Variants in C19orf47 observed in about 807,000 individuals in gnomAD.
C19orf47 encodes the protein chromosome 19 open reading frame 47, also known as uncharacterized protein C19orf47.
A neutral mutation model predicts 32.3 loss-of-function variants in C19orf47; 18 were observed. The ratio of observed to expected loss-of-function variants is 0.56; its 90% CI spans 0.39 to 0.83. The LOEUF (loss-of-function observed/expected upper bound fraction) is 0.83, where lower values mean the gene tolerates loss of function less well. Ranked by LOEUF, C19orf47 falls within the 40% of genes least tolerant of loss-of-function variation. C19orf47 has a pLI of 0.00. For missense variants in C19orf47, 484 were observed against 531.6 expected (o/e 0.91, Z 0.88); for synonymous variants, 202 against 211.1 (o/e 0.96, Z 0.37).
the C19orf47 span, among the ~76,000 whole-genome samples, chr19:40,304,613 CCT>C: frequency 6.6e-6 from 1 of 152,156 alleles, no homozygotes; most frequent in Non-Finnish European, 1.5e-5. Flanking sequence ...GCCGCAAGCC[CCT>C]CTTTTTTCTG....
At chr19:40,306,822 G>C in the C19orf47 span, among the ~76,000 whole-genome samples, 1 of 118,484 alleles carries the variant, frequency 8.4e-6, no homozygotes, top group African/African-American at 3.3e-5. Flanking sequence ...ACAGAGTCTT[G>C]CTGTTGCCCA....
chr19:40,344,214 C>A (rs1030205136), intron 1 of C19orf47, among the ~76,000 whole-genome samples: 1 of 151,840 alleles, frequency 6.6e-6, no homozygotes, highest in Admixed American at 6.6e-5. Context: ...AGCAGTGGCT[C>A]GTGCCTGTAA....
intron 2 of C19orf47, among the ~76,000 whole-genome samples, chr19:40,337,493 C>CT (rs2078089129): frequency 6.6e-6 from 1 of 151,888 alleles, no homozygotes; most frequent in African/African-American, 2.4e-5. Context: ...CGAAGTAGAA[C>CT]TTTTTTTCAC....
chr19:40,310,507 G>A, the C19orf47 span, among the ~76,000 whole-genome samples: 1 of 152,156 alleles, frequency 6.6e-6, no homozygotes, highest in African/African-American at 2.4e-5. Context: ...TCGAACTCCT[G>A]ACCTGAGGTG....
At chr19:40,324,569 T>C (rs368933721) in intron 7 of C19orf47, 1 of 158,856 alleles carries the variant, frequency 6.3e-6, no homozygotes, top group Non-Finnish European at 1.4e-5. Context: ...AAAAAATTTA[T>C]GGAACATGGG....
At position 40,328,714 on chromosome 19, in the gene C19orf47, G is replaced by C. The variant is rs550526282; in HGVS notation, c.302-164C>G. On this transcript the variant is annotated intron_variant, in intron 5 of 8. Transcript: ENST00000683109. The stretch of plus-strand genomic sequence containing the variant: ...GGTACTCGTGATGGGGATGCTTGGG[G>C]GCAGGGTGGGCTGCATCTCCCCAGG... 2.0e-5 allele frequency among the ~76,000 whole-genome samples: 3 copies of C among 152,194 alleles called. No individual in the cohort carries two copies. In the South Asian group the frequency reaches 6.2e-4, roughly 32 times the overall value.
the C19orf47 span, among the ~76,000 whole-genome samples, chr19:40,297,849 G>A: frequency 4.8e-5 from 7 of 147,054 alleles, no homozygotes; most frequent in Admixed American, 2.1e-4. Flanking sequence ...ATTCCAGGCC[G>A]AGCGACAGAG....
At chr19:40,295,309 C>A in the C19orf47 span, among the ~76,000 whole-genome samples, 2 of 151,948 alleles carry the variant, frequency 1.3e-5, no homozygotes, top group Non-Finnish European at 2.9e-5. Flanking sequence ...CGTGAGCCAC[C>A]GTGCCCGGCC....
At chr19:40,335,311 G>A (rs1282051040) in intron 4 of C19orf47, among the ~76,000 whole-genome samples, 2 of 152,152 alleles carry the variant, frequency 1.3e-5, no homozygotes, top group African/African-American at 4.8e-5. Flanking sequence ...GAGCCAGGTT[G>A]CCATCTGGGT....
At chr19:40,328,320 G>C in intron 6 of C19orf47, 93 bp downstream of exon 6, 2 of 1,537,054 alleles carry the variant, frequency 1.3e-6, no homozygotes, top group Non-Finnish European at 1.8e-6. Context: ...GGCCTTCAAA[G>C]CACCTTACAA....
chr19:40,348,499 G>T (rs1365682288), upstream of C19orf47: 4 of 1,496,482 alleles, frequency 2.7e-6, no homozygotes. Flanking sequence ...ACCAGCGAGA[G>T]TGCGGCCATA....
At position 40,336,208 on chromosome 19, in the gene C19orf47, G is replaced by C; in HGVS notation, c.124C>G (p.Leu42Val). The C allele has an allele frequency of 6.2e-7, 1 of 1,614,250 alleles. No homozygotes were observed. The highest frequency in any genetic ancestry group is 8.5e-7 in the Non-Finnish European group (1 of 1,180,042). ...FVDNRIQKSM[L>V]LDLNKEIMNE... ...ATTATCTCCTTATTGAGATCCAGCA[G>C]CATGCTCTTCTGAATCCTGCAGGGA... The change falls in exon 4 of 9, where the codon CTG becomes GTG. Residue 42 changes from leucine to valine, a missense_variant. By Grantham distance (32) the Leu-to-Val change is conservative (BLOSUM62 1). Around this residue, in one of 3 missense-constraint regions of C19orf47, gnomAD observed 57 missense variants for 86.9 expected, o/e 0.66. Coordinates refer to ENST00000683109, the MANE Select transcript of C19orf47 (RefSeq NM_001256441.2).
intron 8 of C19orf47, 53 bp from the exon 9 acceptor site, chr19:40,322,429 T>A (rs2077740301): frequency 2.7e-6 from 4 of 1,502,156 alleles, no homozygotes; most frequent in Non-Finnish European, 1.8e-6. Context: ...CAACACACAT[T>A]CATGGAGAGC....
At position 40,321,196 on chromosome 19, in the gene C19orf47, G is replaced by A. The variant is rs1228973235; in HGVS notation, c.*686C>T. 7.2e-6 allele frequency: 7 copies of A among 973,582 alleles called. No individual in the cohort carries two copies. The highest frequency in any genetic ancestry group is 8.6e-6 in the Non-Finnish European group (7 of 817,980). 60.3% of individuals were successfully genotyped at this position (973,582 alleles called of 1,614,324 possible). On this transcript the variant is annotated 3_prime_UTR_variant, in exon 9 of 9. Coordinates refer to ENST00000683109, the MANE Select transcript of C19orf47 (RefSeq NM_001256441.2). ...ATGCCCAGGGCAGGAAAACGGATGC[G>A]CCTCAGCCGCAGCCCAGGGTCTGGA...
chr19:40,323,992 C>A lies in C19orf47; in HGVS notation c.663+14G>T, dbSNP rs201282159. The A allele has an allele frequency of 4.3e-6, 7 of 1,614,100 alleles. No homozygotes were observed. Among genetic ancestry groups the A allele is most frequent in the Non-Finnish European group, 5.9e-6 (7 of 1,180,030 alleles). On this transcript the variant is annotated intron_variant, in intron 8 of 8. Transcript: ENST00000683109. ...AGCTCGCACGCCCAGAATCGCTCCC[C>A]CATCCCCACTCACTTTACTCCCTGT...
intron 1 of C19orf47, among the ~76,000 whole-genome samples, chr19:40,347,099 ATTC>A (rs2078315498): frequency 6.6e-6 from 1 of 152,152 alleles, no homozygotes; most frequent in Non-Finnish European, 1.5e-5. Flanking sequence ...CAGTATCCCT[ATTC>A]AAAGGGAATA....
At chr19:40,343,200 C>T (rs1568627935) in intron 1 of C19orf47, among the ~76,000 whole-genome samples, 7 of 152,114 alleles carry the variant, frequency 4.6e-5, no homozygotes, top group Admixed American at 3.3e-4. Flanking sequence ...TTCTATCTAC[C>T]GCAGCCCCCA....
chr19:40,347,929 A>C (rs1479252062), intron 1 of C19orf47, among the ~76,000 whole-genome samples: 5 of 152,136 alleles, frequency 3.3e-5, no homozygotes, highest in Non-Finnish European at 5.9e-5. Flanking sequence ...GATGAGAAAA[A>C]ACGGGGTTCA....
chr19:40,327,351 A>G (rs1173248384), intron 6 of C19orf47, among the ~76,000 whole-genome samples: 2 of 143,052 alleles, frequency 1.4e-5, no homozygotes. Context: ...ACAGGGTTTC[A>G]TCATCTTGTG....
Sources: allele counts gnomAD v4.1 joint callset (sites outside exome capture counted in the v4.1 genomes callset), GRCh38; gene constraint gnomAD v4.1.1; regional missense constraint gnomAD v4.1.1; transcripts MANE v1.5; gene names NCBI Gene and HGNC (gene_info 2026-07-23, HGNC 2026-07-21).